Variants in ZMYND8 observed in about 807,000 individuals in gnomAD.
ZMYND8 encodes zinc finger MYND-type containing 8, also known as MYND-type zinc finger-containing chromatin reader ZMYND8.
In ZMYND8, 37 loss-of-function variants were observed where a neutral mutation model predicts 140.8. The observed-to-expected ratio is 0.26, with a 90% CI of 0.20 to 0.35. The LOEUF is 0.35. ZMYND8 is among the 10% of genes least tolerant of loss of function. The pLI is 1.00. For synonymous variants in ZMYND8, 592 were observed against 597.1 expected, an observed-to-expected ratio of 0.99 and a Z score of 0.12; for missense variants, 1,068 against 1,570.0, an observed-to-expected ratio of 0.68 and a Z score of 5.40.
At chr20:47,260,466 CCCAGTTACTCCTATAG>C (rs1240145285) in intron 12 of ZMYND8, among the ~76,000 whole-genome samples, 1 of 88,258 alleles carries the variant, frequency 1.1e-5, no homozygotes, top group African/African-American at 5.1e-5. Context: ...CTACAACACA[CCCAGTTACTCCTATAG>C]CACACCAACT....
rs538281067 is a variant in ZMYND8 at position 47,223,719 on chromosome 20, G to A, written c.3256+598C>T. Among the ~76,000 whole-genome samples the A allele has an allele frequency of 2.3e-3, 342 of 151,410 alleles. 2 individuals carry two copies. Among genetic ancestry groups the A allele is most frequent in the African/African-American group, 7.9e-3 (327 of 41,202 alleles). ...CATATTTCTGTAATCCCAGCTACTC[G>A]GGAGGCTGAGGCAGGAGAATCGCTT... On this transcript the variant is annotated intron_variant, in intron 19 of 22. Transcript: ENST00000471951.
At chr20:47,353,621 A>C (rs919975527) in intron 1 of ZMYND8, 1 of 152,206 alleles carries the variant, frequency 6.6e-6, no homozygotes, top group African/African-American at 2.4e-5. Context: ...AGGGTCTTGA[A>C]GGAAAAAAAA....
intron 2 of ZMYND8, among the ~76,000 whole-genome samples, chr20:47,329,701 G>C (rs1441477707): frequency 2.0e-5 from 3 of 152,136 alleles, no homozygotes; most frequent in Non-Finnish European, 2.9e-5. Flanking sequence ...ACCACGCCTG[G>C]CTTGTTAATG....
chr20:47,236,384 A>T lies in ZMYND8; in HGVS notation c.2798T>A (p.Leu933Gln). The part of the protein sequence containing the change: ...STLVSSVNAD[L>Q]PIATASADVA... The stretch of plus-strand genomic sequence containing the variant: ...ATCAGCTGAGGCAGTGGCGATGGGC[A>T]GGTCAGCGTTGACTGAGGACACAAG... The change falls in exon 16 of 23, where the codon CTG becomes CAG. Residue 933 changes from leucine (L) to glutamine (Q), a missense_variant. Physicochemically the swap from Leu to Gln is moderately radical, Grantham distance 113. Coordinates refer to ENST00000471951, the MANE Select transcript of ZMYND8 (RefSeq NM_001281775.3). The T allele has an allele frequency of 6.2e-7, 1 of 1,614,198 alleles. No homozygotes were observed. Among genetic ancestry groups the T allele is most frequent in the Non-Finnish European group, 8.5e-7 (1 of 1,180,030 alleles).
chr20:47,301,312 G>A (rs921645050), intron 3 of ZMYND8, among the ~76,000 whole-genome samples: 3 of 151,508 alleles, frequency 2.0e-5, no homozygotes, highest in South Asian at 2.1e-4. Flanking sequence ...CCACCACCAC[G>A]CCCAGGTAAT....
chr20:47,282,116 A>G lies in ZMYND8; in HGVS notation c.984T>C (p.Phe328=), dbSNP rs2076643746. The G allele has an allele frequency of 6.2e-7, 1 of 1,613,448 alleles. No individual in the cohort carries two copies. ...DKDGQVDARF[F]GQHDRAWVPI... is the part of the protein sequence containing the mutation. ...TTAACTCCCACCTGTCATGTTGTCC[A>G]AAGAATCGGGCATCGACCTGCCCGT... is the stretch of plus-strand genomic sequence containing the variant. The change falls in exon 10 of 23, where the codon TTT becomes TTC. Residue 328 remains phenylalanine, a synonymous_variant. Transcript: ENST00000471951.
Position 47,216,700 on chromosome 20 carries a change from G to A in ZMYND8, c.3484+3558C>T, listed in dbSNP as rs138220481. ...TGCACACCTATAATCCCAGCTACTC[G>A]GGAGGCTGAGGCAGGAGAATCACTT... On this transcript the variant is annotated intron_variant, in intron 21 of 22. Coordinates refer to ENST00000471951, the MANE Select transcript of ZMYND8 (RefSeq NM_001281775.3). Among the ~76,000 whole-genome samples the A allele has an allele frequency of 3.6e-3, 528 of 148,378 alleles. 7 individuals are homozygous for A. The highest frequency in any genetic ancestry group is 0.011 in the African/African-American group (429 of 40,142).
At chr20:47,236,600 A>C (rs769695389) in intron 15 of ZMYND8, 84 bp from the exon 16 acceptor site, 46 of 1,339,400 alleles carry the variant, frequency 3.4e-5, no homozygotes, top group Non-Finnish European at 4.3e-5. Flanking sequence ...AAAGCCCCTA[A>C]TAGACATCCT....
chr20:47,356,616 A>G, intron 1 of ZMYND8, 41 bp downstream of exon 1: 2 of 1,614,072 alleles, frequency 1.2e-6, no homozygotes, highest in Middle Eastern at 1.7e-4. Context: ...CGGATGTCTC[A>G]GAGGGAGGGG....
intron 12 of ZMYND8, among the ~76,000 whole-genome samples, chr20:47,255,811 T>C (rs1228551870): frequency 3.6e-5 from 5 of 140,308 alleles, no homozygotes; most frequent in Non-Finnish European, 7.6e-5. Context: ...ACCGTATATA[T>C]ATATATTTGT....
At chr20:47,259,094 A>T (rs1219284020) in intron 12 of ZMYND8, among the ~76,000 whole-genome samples, 1 of 152,112 alleles carries the variant, frequency 6.6e-6, no homozygotes, top group Non-Finnish European at 1.5e-5. Context: ...CCACAGTGTC[A>T]CGAGGAAGCC....
rs1569114394 is a variant in ZMYND8 at position 47,291,800 on chromosome 20, T to C, written c.656A>G (p.Glu219Gly). The stretch of plus-strand genomic sequence containing the variant: ...GGTTCTTTGACGGAGGCCAACCTTT[T>C]CCAATGTACAAAGGTCCATTGGATG... The part of the protein sequence containing the change: ...IFHPMDLCTL[E>G]KNAKKKMYGC... The change falls in exon 6 of 23, where the codon GAA becomes GGA. Residue 219 changes from glutamate to glycine, a missense_variant. Coordinates refer to ENST00000471951, the MANE Select transcript of ZMYND8 (RefSeq NM_001281775.3). 1.2e-6 allele frequency: 2 copies of C among 1,610,048 alleles called. No individual in the cohort carries two copies. The highest frequency in any genetic ancestry group is 1.7e-6 in the Non-Finnish European group (2 of 1,178,094).
chr20:47,212,954 G>C (rs918803715), intron 21 of ZMYND8, among the ~76,000 whole-genome samples: 5 of 152,140 alleles, frequency 3.3e-5, no homozygotes, highest in Admixed American at 3.3e-4. Context: ...CAGCATTACA[G>C]GTAGGAAATA....
At chr20:47,225,436 C>T (rs550488464) in intron 18 of ZMYND8, among the ~76,000 whole-genome samples, 1 of 150,254 alleles carries the variant, frequency 6.7e-6, no homozygotes, top group African/African-American at 2.4e-5. Context: ...TGGTGTAATC[C>T]CAGCTACTTG....
chr20:47,231,220 T>TC (rs2038433463), intron 16 of ZMYND8, among the ~76,000 whole-genome samples: 1 of 152,174 alleles, frequency 6.6e-6, no homozygotes, highest in African/African-American at 2.4e-5. Flanking sequence ...GCCAGCTGAC[T>TC]CTTCCCCCAT....
rs3092175 is a variant in ZMYND8, at chr20:47,219,055, A to ATTTTTTTTTTTTTTTTTTTTT, written c.3484+1202_3484+1203insAAAAAAAAAAAAAAAAAAAAA. Among the ~76,000 whole-genome samples the ATTTTTTTTTTTTTTTTTTTTT allele has an allele frequency of 6.0e-4, 66 of 110,910 alleles. 4 individuals carry two copies. Among genetic ancestry groups the ATTTTTTTTTTTTTTTTTTTTT allele is most frequent in the African/African-American group, 1.5e-3 (45 of 29,888 alleles). 72.8% of individuals were successfully genotyped at this position (110,910 alleles called of 152,430 possible). ...AACATGGCAAAACCCCGTTTCTACAATTTTTTTTTTTTTTTTTTTTGAGAG... is the reference window on the plus strand; with the variant it reads ...AACATGGCAAAACCCCGTTTCTACAATTTTTTTTTTTTTTTTTTTTTTTTTTTTTTTTTTTTTTTTTGAGAG... On this transcript the variant is annotated intron_variant, in intron 21 of 22. Coordinates refer to ENST00000471951, the MANE Select transcript of ZMYND8 (RefSeq NM_001281775.3).
At chr20:47,245,365 G>A (rs908993864) in intron 14 of ZMYND8, among the ~76,000 whole-genome samples, 1 of 152,018 alleles carries the variant, frequency 6.6e-6, no homozygotes, top group Non-Finnish European at 1.5e-5. Flanking sequence ...TCCTGCCTCC[G>A]CCTCACGAGT....
At chr20:47,318,968 C>A (rs779138339) in intron 2 of ZMYND8, 4 of 1,351,084 alleles carry the variant, frequency 3.0e-6, no homozygotes, top group East Asian at 4.6e-5. Flanking sequence ...TGAGAAAGTG[C>A]GGCTGCTCAG....
chr20:47,328,566 C>T (rs1485116885), intron 2 of ZMYND8, among the ~76,000 whole-genome samples: 8 of 152,036 alleles, frequency 5.3e-5, no homozygotes, highest in Non-Finnish European at 1.0e-4. Context: ...CAGGTTCAAG[C>T]GATTCTCCTG....
Sources: allele counts gnomAD v4.1 joint callset (sites outside exome capture counted in the v4.1 genomes callset), GRCh38; gene constraint gnomAD v4.1.1; transcripts MANE v1.5; gene names NCBI Gene and HGNC (gene_info 2026-07-23, HGNC 2026-07-21).